The following POLR3C variants were observed in gnomAD, a reference collection of about 807,000 sequenced individuals.
POLR3C encodes RNA polymerase III subunit C, also known as DNA-directed RNA polymerase III subunit RPC3.
Under a neutral mutation model 65.9 loss-of-function variants are expected in POLR3C, and 44 were observed. The observed-to-expected ratio is 0.67, with a 90% CI of 0.52 to 0.86. POLR3C has a LOEUF of 0.86. Among genes scored for constraint, POLR3C ranks in the 40% least tolerant of loss-of-function variants. POLR3C has a pLI of 0.00. For missense variants in POLR3C, 576 were observed against 653.2 expected (o/e 0.88, Z 1.29); for synonymous variants, 263 against 231.6 (o/e 1.14, Z -1.23).
rs1301992837 is a variant in POLR3C at position 145,843,996 on chromosome 1, T to TGATA, written c.*1576_*1577insGATA. Among the ~76,000 whole-genome samples, 9 of 152,170 alleles carry TGATA rather than the reference T, an allele frequency of 5.9e-5. No individual in the cohort carries two copies. The highest frequency in any genetic ancestry group is 1.9e-4 in the African/African-American group (8 of 41,422). ...TAACATCTCACCCCAATTCATTACT[T>TGATA]TTATCAAGAAGAAAGAATGAATGCT... On this transcript the variant is annotated 3_prime_UTR_variant, in exon 15 of 15. Coordinates refer to ENST00000334163, the MANE Select transcript of POLR3C (RefSeq NM_006468.8).
rs371402907 is a variant in POLR3C, at chr1:145,826,791, T to C, written c.404-29T>C. 81 of 1,604,146 alleles carry C rather than the reference T, an allele frequency of 5.0e-5. No homozygotes were observed. The African/African-American group carries it at 1.0e-3, about 21-fold the overall frequency. On this transcript the variant is annotated intron_variant, in intron 3 of 14. Coordinates refer to ENST00000334163, the MANE Select transcript of POLR3C (RefSeq NM_006468.8). ...GAACCCTGAGCTATCTTAGGCCATC[T>C]CATCTGCCTTTTTCCTCCTGTTATA... is the stretch of plus-strand genomic sequence containing the variant.
chr1:145,829,701 T>A, intron 5 of POLR3C, among the ~76,000 whole-genome samples: 1 of 152,316 alleles, frequency 6.6e-6, no homozygotes, highest in Middle Eastern at 3.4e-3. Flanking sequence ...TCCATCTTAC[T>A]CACTGTGTTC....
rs1553731252 is a variant in POLR3C, at chr1:145,843,496, C to T, written c.*1076C>T. Among the ~76,000 whole-genome samples, 1 of 152,174 alleles carries T rather than the reference C, an allele frequency of 6.6e-6. No homozygotes were observed. The highest frequency in any genetic ancestry group is 1.5e-5 in the Non-Finnish European group (1 of 68,026). ...AACATACAAGGATAGATAAATAAGA[C>T]ACCATCTCTGCCCTCAAGCCAGTCA... is the stretch of plus-strand genomic sequence containing the variant. On this transcript the variant is annotated 3_prime_UTR_variant, in exon 15 of 15. Transcript: ENST00000334163.
At chr1:145,836,154 C>T (rs1651813733) in intron 7 of POLR3C, among the ~76,000 whole-genome samples, 1 of 150,070 alleles carries the variant, frequency 6.7e-6, no homozygotes, top group Non-Finnish European at 1.5e-5. Flanking sequence ...GAGTTTCGCC[C>T]TTGTAGCCCA....
At chr1:145,833,724 G>A (rs1319792950) in intron 7 of POLR3C, 142 bp downstream of exon 7, 5 of 650,456 alleles carry the variant, frequency 7.7e-6, no homozygotes, top group Admixed American at 5.4e-5. Flanking sequence ...TTATCTTCAA[G>A]TGATGAGCAC....
At position 145,828,792 on chromosome 1, in the gene POLR3C, G is replaced by A. The variant is rs1553726457; in HGVS notation, c.633G>A (p.Gly211=). The stretch of plus-strand genomic sequence containing the variant: ...GATCATCTGATGAAGATGCTGCTGG[G>A]GAGCCCAAGGCCAAGAGACCAAAAT... ...RRRSSDEDAA[G]EPKAKRPKYT... Residue 211 remains glycine, a synonymous_variant, in exon 5 of 15, where the codon GGG becomes GGA. Coordinates refer to ENST00000334163, the MANE Select transcript of POLR3C (RefSeq NM_006468.8). 6.2e-7 allele frequency: 1 copy of A among 1,611,278 alleles called. No individual in the cohort carries two copies. The highest frequency in any genetic ancestry group is 2.2e-5 in the East Asian group (1 of 44,864).
At chr1:145,839,703 C>G (rs1452080696) in intron 11 of POLR3C, 187 bp from the exon 12 acceptor site, 1 of 546,292 alleles carries the variant, frequency 1.8e-6, no homozygotes, top group East Asian at 3.0e-5. Context: ...CGCACTCCAT[C>G]CTAGGTAACA....
chr1:145,825,102 AT>A (rs1210843489), intron 1 of POLR3C, among the ~76,000 whole-genome samples: 1 of 150,956 alleles, frequency 6.6e-6, no homozygotes, highest in African/African-American at 2.4e-5. Context: ...ATTATGAGTA[AT>A]TTTTTTTGTT....
chr1:145,840,853 C>A, intron 13 of POLR3C, 69 bp from the exon 14 acceptor site: 1 of 1,244,190 alleles, frequency 8.0e-7, no homozygotes, highest in Non-Finnish European at 1.2e-6. Context: ...TGGGTAGTGC[C>A]TCAGACACAC....
intron 4 of POLR3C, among the ~76,000 whole-genome samples, chr1:145,827,541 C>G (rs139137885): frequency 1.3e-5 from 2 of 151,920 alleles, no homozygotes; most frequent in African/African-American, 4.8e-5. Context: ...GGGCGGATCA[C>G]GAGGTCAGGA....
Position 145,826,625 on chromosome 1 carries a change from G to A in POLR3C, c.319G>A (p.Val107Ile). 6.2e-7 allele frequency: 1 copy of A among 1,614,118 alleles called. No individual in the cohort carries two copies. The highest frequency in any genetic ancestry group is 8.5e-7 in the Non-Finnish European group (1 of 1,179,970). ...TLYSDTGELI[V>I]EELLLNGKLT... ...GTACAGTGACACTGGAGAGCTGATT[G>A]TTGAGGAGCTTCTGTTGAACGGCAA... Residue 107 changes from valine (V) to isoleucine (I), a missense_variant, in exon 3 of 15, where the codon GTT becomes ATT. Transcript: ENST00000334163.
chr1:145,835,296 T>G (rs587768688), intron 7 of POLR3C, among the ~76,000 whole-genome samples: 3 of 151,502 alleles, frequency 2.0e-5, no homozygotes, highest in Non-Finnish European at 4.4e-5. Flanking sequence ...ATTACAGAAA[T>G]TAGCCAGGCA....
chr1:145,825,849 G>A lies in POLR3C; in HGVS notation c.73G>A (p.Gly25Arg). The A allele has an allele frequency of 6.2e-7, 1 of 1,613,104 alleles. No homozygotes were observed. The highest frequency in any genetic ancestry group is 1.1e-5 in the South Asian group (1 of 91,042). The change falls in exon 2 of 15, where the codon GGA becomes AGA. Residue 25 changes from glycine (G) to arginine (R), a missense_variant. By Grantham distance (125) the Gly-to-Arg change is moderately radical (BLOSUM62 -2). Coordinates refer to ENST00000334163, the MANE Select transcript of POLR3C (RefSeq NM_006468.8). ...TTTTGGAGAGATTGTAGAAAAAATT[G>A]GAGTCCATCTGATAAGAACCGGCAG... The part of the protein sequence containing the change: ...EHFGEIVEKI[G>R]VHLIRTGSQP...
intron 7 of POLR3C, among the ~76,000 whole-genome samples, chr1:145,836,239 G>C (rs1310607733): frequency 6.6e-6 from 1 of 151,518 alleles, no homozygotes; most frequent in Non-Finnish European, 1.5e-5. Flanking sequence ...TCCTGCCTCA[G>C]CCTCCCAAAT....
intron 4 of POLR3C, among the ~76,000 whole-genome samples, chr1:145,828,433 TGAAA>T (rs1286573617): frequency 6.6e-6 from 1 of 151,800 alleles, no homozygotes; most frequent in Admixed American, 6.6e-5. Context: ...TGGTGGAAAA[TGAAA>T]GAGAGAGGGT....
chr1:145,844,156 G>T lies in POLR3C; in HGVS notation c.*1736G>T, dbSNP rs1404390915. Among the ~76,000 whole-genome samples the T allele has an allele frequency of 6.6e-6, 1 of 152,084 alleles. No homozygotes were observed. Among genetic ancestry groups the T allele is most frequent in the East Asian group, 1.9e-4 (1 of 5,186 alleles). ...CTATGCTCCAGCAGTTCCACTACTG[G>T]GTATATATATATCTCCAAAAGGAAA... On this transcript the variant is annotated 3_prime_UTR_variant, in exon 15 of 15. Coordinates refer to ENST00000334163, the MANE Select transcript of POLR3C (RefSeq NM_006468.8).
At chr1:145,830,586 G>T (rs1192889088) in intron 5 of POLR3C, among the ~76,000 whole-genome samples, 1 of 152,004 alleles carries the variant, frequency 6.6e-6, no homozygotes, top group African/African-American at 2.4e-5. Context: ...GATCACCTGA[G>T]GTCAGAGTTC....
intron 2 of POLR3C, 90 bp from the exon 3 acceptor site, chr1:145,826,364 C>G (rs1413363668): frequency 8.3e-6 from 9 of 1,082,120 alleles, no homozygotes; most frequent in Non-Finnish European, 1.2e-5. Context: ...TTTTCTGATG[C>G]TTACTAAGCT....
At chr1:145,835,647 T>C (rs782674631) in intron 7 of POLR3C, among the ~76,000 whole-genome samples, 1 of 151,332 alleles carries the variant, frequency 6.6e-6, no homozygotes, top group Non-Finnish European at 1.5e-5. Flanking sequence ...CAATCTCAGC[T>C]CACTGCAACC....
Sources: allele counts gnomAD v4.1 joint callset (sites outside exome capture counted in the v4.1 genomes callset), GRCh38; gene constraint gnomAD v4.1.1; transcripts MANE v1.5; gene names NCBI Gene and HGNC (gene_info 2026-07-23, HGNC 2026-07-21).